Variants in SLC30A9 observed in about 807,000 individuals in gnomAD.
The protein encoded by SLC30A9 is proton-coupled zinc antiporter SLC30A9, mitochondrial.
SLC30A9 carries 58 observed loss-of-function variants against 87.5 expected under a neutral mutation model. The observed-to-expected ratio is 0.66, with a 90% CI of 0.54 to 0.82. The LOEUF (loss-of-function observed/expected upper bound fraction) is 0.82, where lower values mean the gene tolerates loss of function less well. Among genes scored for constraint, SLC30A9 ranks in the 40% least tolerant of loss-of-function variants. The pLI, the probability that SLC30A9 is intolerant of heterozygous loss-of-function variation, is 0.00. For missense variants in SLC30A9, 557 were observed against 679.1 expected (o/e 0.82, Z 2.00); for synonymous variants, 234 against 233.0 (o/e 1.00, Z -0.04).
chr4:42,056,659 C>T (rs1037180310), intron 9 of SLC30A9, among the ~76,000 whole-genome samples: 1 of 152,080 alleles, frequency 6.6e-6, no homozygotes, highest in African/African-American at 2.4e-5. Flanking sequence ...CATTTCAAAA[C>T]CAGTCATGCC....
rs559443160 is a variant in SLC30A9 at position 42,058,356 on chromosome 4, G to A, written c.841-1835G>A. Among the ~76,000 whole-genome samples, 13 of 152,240 alleles carry A rather than the reference G, an allele frequency of 8.5e-5. No individual in the cohort carries two copies. The South Asian group carries it at 1.5e-3, about 17-fold the overall frequency. On this transcript the variant is annotated intron_variant, in intron 9 of 17. Coordinates refer to ENST00000264451, the MANE Select transcript of SLC30A9 (RefSeq NM_006345.4). Reference sequence around the variant, plus strand: ...CACCTCAGCCTGGACTTTATTGTCCGTATTGCTGTCAGCATTTTGGGCAAA... The same window carrying A: ...CACCTCAGCCTGGACTTTATTGTCCATATTGCTGTCAGCATTTTGGGCAAA...
intron 6 of SLC30A9, among the ~76,000 whole-genome samples, chr4:42,028,248 G>T (rs1716272361): frequency 6.6e-6 from 1 of 152,184 alleles, no homozygotes; most frequent in Non-Finnish European, 1.5e-5. Context: ...CTCCCGAGTA[G>T]TTGGGATTAC....
chr4:42,034,441 C>T (rs1029995216), intron 6 of SLC30A9, among the ~76,000 whole-genome samples: 1 of 150,994 alleles, frequency 6.6e-6, no homozygotes, highest in African/African-American at 2.4e-5. Flanking sequence ...TGCCACCCCC[C>T]GGTCCCTGGC....
At chr4:42,084,750 C>T (rs1400197740) in intron 17 of SLC30A9, among the ~76,000 whole-genome samples, 2 of 152,120 alleles carry the variant, frequency 1.3e-5, no homozygotes, top group East Asian at 1.9e-4. Context: ...GGATTACAGG[C>T]GTGAGCCACC....
Position 41,996,105 on chromosome 4 carries a change from G to T in SLC30A9, c.109+5345G>T, listed in dbSNP as rs760362273. Among the ~76,000 whole-genome samples, 19 of 151,712 alleles carry T rather than the reference G, an allele frequency of 1.3e-4. No homozygotes were observed. In the East Asian group the frequency reaches 1.6e-3, roughly 12 times the overall value. ...AATTTGAGTTTTTTTATTTTTTGTG[G>T]TTTTTTTTGAGATGGAGTTTTGCTC... is the stretch of plus-strand genomic sequence containing the variant. On this transcript the variant is annotated intron_variant, in intron 1 of 17. Transcript: ENST00000264451.
intron 3 of SLC30A9, among the ~76,000 whole-genome samples, chr4:42,019,980 A>G (rs1477719542): frequency 6.6e-6 from 1 of 151,572 alleles, no homozygotes; most frequent in Non-Finnish European, 1.5e-5. Context: ...TTTTTTTTTT[A>G]GTAGAGACAG....
intron 8 of SLC30A9, among the ~76,000 whole-genome samples, chr4:42,042,273 C>T (rs1716953158): frequency 6.6e-6 from 1 of 152,124 alleles, no homozygotes; most frequent in Admixed American, 6.5e-5. Context: ...TCAGCAGATC[C>T]CACCTCCAGA....
At chr4:42,006,888 C>T (rs1447262645) in intron 2 of SLC30A9, among the ~76,000 whole-genome samples, 1 of 152,108 alleles carries the variant, frequency 6.6e-6, no homozygotes, top group East Asian at 1.9e-4. Flanking sequence ...CCAAAGCAGT[C>T]TCCCTTTTTC....
intron 2 of SLC30A9, among the ~76,000 whole-genome samples, chr4:42,017,546 A>G (rs982836669): frequency 6.6e-6 from 1 of 152,080 alleles, no homozygotes; most frequent in Non-Finnish European, 1.5e-5. Context: ...TAACATTTAA[A>G]TAATTAATTA....
chr4:42,007,084 A>G (rs565432349), intron 2 of SLC30A9, among the ~76,000 whole-genome samples: 2 of 152,208 alleles, frequency 1.3e-5, no homozygotes, highest in African/African-American at 2.4e-5. Context: ...AACAGGTTGC[A>G]AAGGAGGGAG....
At position 42,089,191 on chromosome 4, in the gene SLC30A9, A is replaced by T. The variant is rs2153142099; in HGVS notation, c.*3065A>T. On this transcript the variant is annotated 3_prime_UTR_variant, in exon 18 of 18. Coordinates refer to ENST00000264451, the MANE Select transcript of SLC30A9 (RefSeq NM_006345.4). ...TTCTTGCCCAAAACTAAAATCTAGG[A>T]TTTATCAAAGGTGAGGTATACAGTG... is the stretch of plus-strand genomic sequence containing the variant. 1 of 152,274 alleles carries T rather than the reference A, an allele frequency of 6.6e-6. No homozygotes were observed. Among genetic ancestry groups the T allele is most frequent in the South Asian group, 2.1e-4 (1 of 4,816 alleles). The allele number at this position is 152,274 out of a possible 1,614,324, so 9.4% of individuals were successfully genotyped here. A position where few individuals can be genotyped will look rare whatever the true frequency, so the allele number is the denominator to read the frequency against.
chr4:42,011,124 G>A (rs1264266965), intron 2 of SLC30A9, among the ~76,000 whole-genome samples: 3 of 152,142 alleles, frequency 2.0e-5, no homozygotes, highest in Non-Finnish European at 4.4e-5. Flanking sequence ...CTGAGCCTGG[G>A]TAATTTATGA....
chr4:42,068,948 A>G (rs921159259), intron 14 of SLC30A9, among the ~76,000 whole-genome samples: 2 of 152,250 alleles, frequency 1.3e-5, no homozygotes, highest in African/African-American at 4.8e-5. Context: ...TATTTAAAAT[A>G]ATTTTAGGTG....
At chr4:42,033,982 G>A (rs1164025799) in intron 6 of SLC30A9, among the ~76,000 whole-genome samples, 3 of 152,136 alleles carry the variant, frequency 2.0e-5, no homozygotes, top group East Asian at 3.8e-4. Flanking sequence ...ATACCGTAAT[G>A]TATTCAATCA....
chr4:42,086,257 A>G lies in SLC30A9; in HGVS notation c.*131A>G, dbSNP rs1718922534. 4.2e-6 allele frequency: 2 copies of G among 472,440 alleles called. No individual in the cohort carries two copies. Among genetic ancestry groups the G allele is most frequent in the Non-Finnish European group, 7.7e-6 (2 of 260,678 alleles). The allele number at this position is 472,440 out of a possible 1,614,324, so 29.3% of individuals were successfully genotyped here. A position where few individuals can be genotyped will look rare whatever the true frequency, so the allele number is the denominator to read the frequency against. On this transcript the variant is annotated 3_prime_UTR_variant, in exon 18 of 18. Coordinates refer to ENST00000264451, the MANE Select transcript of SLC30A9 (RefSeq NM_006345.4). ...AAGCCTTTTTTTTAAGATGAAGGAAATATTTTATGTAAAGAGCAACTCAGC... is the reference window on the plus strand; with the variant it reads ...AAGCCTTTTTTTTAAGATGAAGGAAGTATTTTATGTAAAGAGCAACTCAGC...
intron 6 of SLC30A9, among the ~76,000 whole-genome samples, chr4:42,031,372 A>G (rs891718345): frequency 3.3e-5 from 5 of 152,196 alleles, no homozygotes; most frequent in African/African-American, 9.6e-5. Context: ...GGAAATTTAC[A>G]TATTTCAAAA....
At position 42,066,626 on chromosome 4, in the gene SLC30A9, G is replaced by GTGATAT; in HGVS notation, c.1144+6_1144+7insGATATT. 6.3e-7 allele frequency: 1 copy of GTGATAT among 1,595,618 alleles called. No individual in the cohort carries two copies. The highest frequency in any genetic ancestry group is 8.6e-7 in the Non-Finnish European group (1 of 1,166,618). ...GAATGTCATTTTACAAGTATGGTATGTATTTTAGAAACCAAGTGTTTGTTT... is the reference window on the plus strand; with the variant it reads ...GAATGTCATTTTACAAGTATGGTATGTGATATTATTTTAGAAACCAAGTGTTTGTTT... On this transcript the variant is annotated splice_donor_region_variant and intron_variant, in intron 13 of 17. Coordinates refer to ENST00000264451, the MANE Select transcript of SLC30A9 (RefSeq NM_006345.4).
intron 10 of SLC30A9, among the ~76,000 whole-genome samples, chr4:42,061,221 A>G (rs1168372110): frequency 6.6e-6 from 1 of 152,234 alleles, no homozygotes. Context: ...TCTGTCCAGT[A>G]TGGTAGTAGC....
intron 8 of SLC30A9, among the ~76,000 whole-genome samples, chr4:42,045,787 C>G (rs1314707237): frequency 2.6e-5 from 4 of 152,064 alleles, no homozygotes; most frequent in Non-Finnish European, 5.9e-5. Flanking sequence ...AATTTCAGAC[C>G]AAAATCCTTG....
Sources: gnomAD v4.1 joint callset for allele counts (sites outside exome capture counted in the v4.1 genomes callset) on GRCh38, gnomAD v4.1.1 for gene constraint, MANE v1.5 for transcripts, NCBI Gene and HGNC (gene_info 2026-07-23, HGNC 2026-07-21) for gene names.